Variants in ZAP70 observed in about 807,000 individuals in gnomAD.
ZAP70 encodes the protein zeta chain of T cell receptor associated protein kinase 70, also known as tyrosine-protein kinase ZAP-70.
ZAP70 carries 27 observed loss-of-function variants against 65.8 expected under a neutral mutation model. The observed-to-expected ratio is 0.41, with a 90% CI of 0.30 to 0.57. ZAP70 has a LOEUF of 0.57. Among genes scored for constraint, ZAP70 ranks in the 20% least tolerant of loss-of-function variants. The probability of loss-of-function intolerance (pLI) is 0.28; values close to 1 mark genes in which losing one functional copy is unlikely to be tolerated. For missense variants in ZAP70, 696 were observed against 870.5 expected, an observed-to-expected ratio of 0.80 and a Z score of 2.52; for synonymous variants, 363 against 360.8, an observed-to-expected ratio of 1.01 and a Z score of -0.07.
chr2:97,715,138 G>A lies in ZAP70; in HGVS notation c.-22+1144G>A, dbSNP rs1268187611. 2.6e-5 allele frequency among the ~76,000 whole-genome samples: 4 copies of A among 152,166 alleles called. No homozygotes were observed. Among genetic ancestry groups the A allele is most frequent in the Admixed American group, 6.5e-5 (1 of 15,268 alleles). ...ACTCCACAGTTCCTGTATGCTCTCC[G>A]GGGCTGCAGCACCCAGACCACCCCG... On this transcript the variant is annotated intron_variant, in intron 2 of 13. Coordinates refer to ENST00000264972, the MANE Select transcript of ZAP70 (RefSeq NM_001079.4). The surrounding 1 kb of genome is among the most constrained non-coding windows in gnomAD (Gnocchi z 4.1).
intron 4 of ZAP70, among the ~76,000 whole-genome samples, chr2:97,726,784 C>T (rs991337395): frequency 6.6e-6 from 1 of 152,266 alleles, no homozygotes; most frequent in African/African-American, 2.4e-5. Flanking sequence ...ACGTAATACT[C>T]AGTTGCCGGC....
Position 97,736,338 on chromosome 2 carries a change from C to T in ZAP70, c.1289+882C>T, listed in dbSNP as rs1386327868. 1.3e-5 allele frequency among the ~76,000 whole-genome samples: 2 copies of T among 152,228 alleles called. No individual in the cohort carries two copies. The highest frequency in any genetic ancestry group is 6.5e-5 in the Admixed American group (1 of 15,290). Reference sequence around the variant, plus strand: ...CTTACCCTCACAGACACAAGTTCTGCACTCCCCAAGGCACGTTTTTGCTGA... The same window carrying T: ...CTTACCCTCACAGACACAAGTTCTGTACTCCCCAAGGCACGTTTTTGCTGA... On this transcript the variant is annotated intron_variant, in intron 10 of 13. Coordinates refer to ENST00000264972, the MANE Select transcript of ZAP70 (RefSeq NM_001079.4). This position sits in a 1 kb window ranked among gnomAD's most constrained non-coding sequence, Gnocchi z 4.0.
Position 97,715,670 on chromosome 2 carries a change from C to T in ZAP70, c.-22+1676C>T, listed in dbSNP as rs561211658. ...GGTTAGTGCTGGCTGCTGCATTGGA[C>T]AGACCTGAGTTCAAATCCTGGTGGC... is the stretch of plus-strand genomic sequence containing the variant. On this transcript the variant is annotated intron_variant, in intron 2 of 13. Transcript: ENST00000264972. The surrounding 1 kb of genome is among the most constrained non-coding windows in gnomAD (Gnocchi z 4.1). Among the ~76,000 whole-genome samples the T allele has an allele frequency of 6.6e-6, 1 of 152,306 alleles. No individual in the cohort carries two copies. Among genetic ancestry groups the T allele is most frequent in the East Asian group, 1.9e-4 (1 of 5,186 alleles).
intron 3 of ZAP70, 42 bp downstream of exon 3, chr2:97,724,480 C>A: frequency 6.6e-7 from 1 of 1,510,300 alleles, no homozygotes; most frequent in Non-Finnish European, 8.8e-7. Flanking sequence ...AGGGGCGTGG[C>A]CGAAGAGGGG....
the ZAP70 span, among the ~76,000 whole-genome samples, chr2:97,747,720 T>C: frequency 6.6e-6 from 1 of 151,642 alleles, no homozygotes; most frequent in Non-Finnish European, 1.5e-5. Context: ...CTAAAATGGT[T>C]AAAGTGCATT....
chr2:97,734,485 C>A, intron 8 of ZAP70, 35 bp from the exon 9 acceptor site: 1 of 1,599,062 alleles, frequency 6.3e-7, no homozygotes, highest in Non-Finnish European at 8.5e-7. Flanking sequence ...ACACCCCTGC[C>A]CCTGACCTGG....
Position 97,737,033 on chromosome 2 carries a change from G to A in ZAP70, c.1290-440G>A, listed in dbSNP as rs1258726304. On this transcript the variant is annotated intron_variant, in intron 10 of 13. Transcript: ENST00000264972. The surrounding 1 kb of genome is among the most constrained non-coding windows in gnomAD (Gnocchi z 5.0). ...TGGCAGAGGCAGAGATGAGGAGTGCGGTGGATTCTGGAGAGATTCTGACAC... is the reference window on the plus strand; with the variant it reads ...TGGCAGAGGCAGAGATGAGGAGTGCAGTGGATTCTGGAGAGATTCTGACAC... Among the ~76,000 whole-genome samples, 2 of 152,122 alleles carry A rather than the reference G, an allele frequency of 1.3e-5. No individual in the cohort carries two copies. Among genetic ancestry groups the A allele is most frequent in the East Asian group, 1.9e-4 (1 of 5,186 alleles).
At chr2:97,740,654 C>CCT (rs1678105594), downstream of ZAP70, among the ~76,000 whole-genome samples, 1 of 152,196 alleles carries the variant, frequency 6.6e-6, no homozygotes, top group South Asian at 2.1e-4. Context: ...GAGGAACCAA[C>CCT]GAAAGAGGGT....
chr2:97,724,990 C>G (rs1382891007), intron 3 of ZAP70, 102 bp from the exon 4 acceptor site: 3 of 1,570,364 alleles, frequency 1.9e-6, no homozygotes, highest in Non-Finnish European at 2.6e-6. Context: ...CTAGGGACGC[C>G]TGGGTGGGGT....
At chr2:97,754,559 C>T in the ZAP70 span, among the ~76,000 whole-genome samples, 1 of 152,052 alleles carries the variant, frequency 6.6e-6, no homozygotes, top group Non-Finnish European at 1.5e-5. Context: ...CACAGCACCA[C>T]CCCCAGCTAA....
intron 4 of ZAP70, 57 bp from the exon 5 acceptor site, chr2:97,732,826 A>T: frequency 6.2e-7 from 1 of 1,610,060 alleles, no homozygotes; most frequent in Non-Finnish European, 8.5e-7. Flanking sequence ...GAACCGGGGC[A>T]CAGCAGGAGG....
At chr2:97,734,900 TG>T in intron 9 of ZAP70, 188 bp downstream of exon 9, 2 of 721,664 alleles carry the variant, frequency 2.8e-6, no homozygotes. Context: ...GGGGGTGGGA[TG>T]GGGCCTGGGC....
chr2:97,732,798 A>G, intron 4 of ZAP70, 85 bp from the exon 5 acceptor site: 3 of 1,582,088 alleles, frequency 1.9e-6, no homozygotes, highest in Admixed American at 3.5e-5. Flanking sequence ...TGTGGAGCCC[A>G]TAGGGTGTGT....
rs1343794670 is a variant in ZAP70 at position 97,736,441 on chromosome 2, T to C, written c.1289+985T>C. Among the ~76,000 whole-genome samples, 1 of 152,200 alleles carries C rather than the reference T, an allele frequency of 6.6e-6. No homozygotes were observed. The highest frequency in any genetic ancestry group is 6.5e-5 in the Admixed American group (1 of 15,280). On this transcript the variant is annotated intron_variant, in intron 10 of 13. Coordinates refer to ENST00000264972, the MANE Select transcript of ZAP70 (RefSeq NM_001079.4). This position sits in a 1 kb window ranked among gnomAD's most constrained non-coding sequence, Gnocchi z 4.0. ...CATTCAGTCATTTGACAGGTGTTTATTGGACAGTTTCTCAGTGACAGGAAC... is the reference window on the plus strand; with the variant it reads ...CATTCAGTCATTTGACAGGTGTTTACTGGACAGTTTCTCAGTGACAGGAAC...
At position 97,731,187 on chromosome 2, in the gene ZAP70, C is replaced by T. The variant is rs1483443630; in HGVS notation, c.564-1696C>T. Among the ~76,000 whole-genome samples the T allele has an allele frequency of 6.6e-6, 1 of 152,010 alleles. No individual in the cohort carries two copies. The highest frequency in any genetic ancestry group is 1.5e-5 in the Non-Finnish European group (1 of 67,994). On this transcript the variant is annotated intron_variant, in intron 4 of 13. Transcript: ENST00000264972. This position sits in a 1 kb window ranked among gnomAD's most constrained non-coding sequence, Gnocchi z 4.0. ...TTGTGACCCTTAGGAGGTGTTTTCACTTCTCACAGTCCCTGGAGACCATCA... is the reference window on the plus strand; with the variant it reads ...TTGTGACCCTTAGGAGGTGTTTTCATTTCTCACAGTCCCTGGAGACCATCA...
downstream of ZAP70, among the ~76,000 whole-genome samples, chr2:97,740,105 C>A (rs1428496305): frequency 6.6e-6 from 1 of 151,934 alleles, no homozygotes; most frequent in Non-Finnish European, 1.5e-5. Context: ...GAGCCCAGCT[C>A]CCCTGTGTGG....
At position 97,739,772 on chromosome 2, in the gene ZAP70, G is replaced by T; in HGVS notation, c.*274G>T. ...CTGAGCTGAGGGCATTGCTTACACG[G>T]ATGCCTTCCCCTGGGCCCTGACATT... On this transcript the variant is annotated 3_prime_UTR_variant, in exon 14 of 14. Coordinates refer to ENST00000264972, the MANE Select transcript of ZAP70 (RefSeq NM_001079.4). 2.0e-6 allele frequency: 1 copy of T among 508,618 alleles called. No homozygotes were observed. The highest frequency in any genetic ancestry group is 3.5e-6 in the Non-Finnish European group (1 of 284,462). The allele number at this position is 508,618 out of a possible 1,614,324, so 31.5% of individuals were successfully genotyped here.
intron 2 of ZAP70, among the ~76,000 whole-genome samples, chr2:97,718,358 C>T (rs1677029142): frequency 6.6e-6 from 1 of 152,226 alleles, no homozygotes; most frequent in South Asian, 2.1e-4. Context: ...GCTCCCACCT[C>T]TTGCCCCCGG....
chr2:97,742,200 C>T (rs1678148349), downstream of ZAP70, among the ~76,000 whole-genome samples: 1 of 152,208 alleles, frequency 6.6e-6, no homozygotes, highest in Non-Finnish European at 1.5e-5. Context: ...TTTCCTGACT[C>T]CTTGGCCAGG....
Sources: gnomAD v4.1 joint callset for allele counts (sites outside exome capture counted in the v4.1 genomes callset) on GRCh38, gnomAD v4.1.1 for gene constraint, Gnocchi (gnomAD v3.1) non-coding constraint, MANE v1.5 for transcripts, NCBI Gene and HGNC (gene_info 2026-07-23, HGNC 2026-07-21) for gene names.